NEMP2: variants seen among roughly 807,000 people sequenced by gnomAD.
The protein encoded by NEMP2 is nuclear envelope integral membrane protein 2.
In NEMP2, 53 loss-of-function variants were observed where a neutral mutation model predicts 54.2. That is an observed-to-expected ratio of 0.98 (90% CI 0.78 to 1.23). The LOEUF is 1.23. Ranked by LOEUF, NEMP2 falls within the 50% of genes most tolerant of loss-of-function variation. NEMP2 has a pLI of 0.00. For missense variants in NEMP2, 455 were observed against 511.3 expected (o/e 0.89, Z 1.06); for synonymous variants, 197 against 190.3 (o/e 1.04, Z -0.29).
At chr2:190,647,228 C>T in the NEMP2 span, among the ~76,000 whole-genome samples, 2 of 152,162 alleles carry the variant, frequency 1.3e-5, no homozygotes, top group African/African-American at 4.8e-5. Flanking sequence ...CAGACAAAAC[C>T]TGTCACTAAT....
the NEMP2 span, among the ~76,000 whole-genome samples, chr2:190,618,430 A>G: frequency 3.3e-5 from 5 of 152,144 alleles, no homozygotes; most frequent in African/African-American, 9.7e-5. Context: ...CCAAAACTTA[A>G]AAAAGGTAGA....
At position 190,510,308 on chromosome 2, in the gene NEMP2, T is replaced by G; in HGVS notation, c.1130+53A>C. The G allele has an allele frequency of 6.5e-7, 1 of 1,538,692 alleles. No homozygotes were observed. Among genetic ancestry groups the G allele is most frequent in the South Asian group, 1.2e-5 (1 of 83,680 alleles). On this transcript the variant is annotated intron_variant, in intron 8 of 8. Transcript: ENST00000409150. This position sits in a 1 kb window ranked among gnomAD's most constrained non-coding sequence, Gnocchi z 5.7. ...TGCCTGTACCAAACCATCATATTAT[T>G]TTTTAAATCATTCTGAACTAAACTA...
the NEMP2 span, among the ~76,000 whole-genome samples, chr2:190,492,041 G>A: frequency 3.3e-5 from 5 of 152,120 alleles, no homozygotes; most frequent in South Asian, 2.1e-4. This position sits in a 1 kb window ranked among gnomAD's most constrained non-coding sequence, Gnocchi z 5.2. Flanking sequence ...CAACAGAATC[G>A]AAGAAGCAGA....
the NEMP2 span, among the ~76,000 whole-genome samples, chr2:190,615,417 G>T: frequency 2.6e-5 from 4 of 152,348 alleles, no homozygotes; most frequent in South Asian, 8.3e-4. The surrounding 1 kb of genome is among the most constrained non-coding windows in gnomAD (Gnocchi z 4.7). Context: ...CAGATGAACA[G>T]CCAGATGGAA....
the NEMP2 span, among the ~76,000 whole-genome samples, chr2:190,613,333 TTTTATTAAAAACATTATA>T: frequency 6.6e-6 from 1 of 152,120 alleles, no homozygotes; most frequent in African/African-American, 2.4e-5. Context: ...AATATTAATG[TTTTATTAAAAACATTATA>T]TTTATTAAAA....
chr2:190,640,005 C>T, the NEMP2 span, among the ~76,000 whole-genome samples: 1 of 152,068 alleles, frequency 6.6e-6, no homozygotes, highest in African/African-American at 2.4e-5. Context: ...ATCTATAATA[C>T]CATCACCCAG....
chr2:190,425,635 A>G, the NEMP2 span, among the ~76,000 whole-genome samples: 1 of 152,282 alleles, frequency 6.6e-6, no homozygotes, highest in African/African-American at 2.4e-5. This position sits in a 1 kb window ranked among gnomAD's most constrained non-coding sequence, Gnocchi z 4.3. Context: ...TAGCTTATTA[A>G]CATGGTAGAT....
chr2:190,575,205 C>G, the NEMP2 span, among the ~76,000 whole-genome samples: 1 of 151,992 alleles, frequency 6.6e-6, no homozygotes, highest in Admixed American at 6.6e-5. Flanking sequence ...TCCCACCATC[C>G]CCAACAAGTG....
chr2:190,436,603 T>C, the NEMP2 span: 1 of 1,614,128 alleles, frequency 6.2e-7, no homozygotes, highest in Non-Finnish European at 8.5e-7. This position sits in a 1 kb window ranked among gnomAD's most constrained non-coding sequence, Gnocchi z 5.3. Context: ...CCTCACCATA[T>C]CACCAAAAAT....
At chr2:190,441,484 G>A in the NEMP2 span, among the ~76,000 whole-genome samples, 1 of 151,902 alleles carries the variant, frequency 6.6e-6, no homozygotes, top group Non-Finnish European at 1.5e-5. Context: ...GAGGAGGGGC[G>A]GGGGTTGGGG....
At chr2:190,648,781 C>G in the NEMP2 span, 11 of 150,720 alleles carry the variant, frequency 7.3e-5, no homozygotes, top group South Asian at 2.3e-3. Flanking sequence ...TCCCAGCTGC[C>G]GTGTGAATGG....
At chr2:190,572,481 C>A in the NEMP2 span, among the ~76,000 whole-genome samples, 1 of 152,014 alleles carries the variant, frequency 6.6e-6, no homozygotes, top group African/African-American at 2.4e-5. Flanking sequence ...TAACTAGATT[C>A]AAGGGAGGCT....
chr2:190,471,210 G>C, the NEMP2 span, among the ~76,000 whole-genome samples: 16 of 152,258 alleles, frequency 1.1e-4, no homozygotes, highest in East Asian at 2.3e-3. The surrounding 1 kb of genome is among the most constrained non-coding windows in gnomAD (Gnocchi z 4.7). Context: ...GAGGTACCGG[G>C]TTCATCTCAC....
At chr2:190,594,650 C>T in the NEMP2 span, among the ~76,000 whole-genome samples, 2 of 152,128 alleles carry the variant, frequency 1.3e-5, no homozygotes, top group Non-Finnish European at 2.9e-5. This position sits in a 1 kb window ranked among gnomAD's most constrained non-coding sequence, Gnocchi z 5.6. Flanking sequence ...ATCACAGCTC[C>T]TTGAACTCCT....
Position 190,519,017 on chromosome 2 carries a change from G to GT in NEMP2, c.379dup (p.Thr127AsnfsTer14). 1 of 1,551,328 alleles carries GT rather than the reference G, an allele frequency of 6.4e-7. No homozygotes were observed. Among genetic ancestry groups the GT allele is most frequent in the South Asian group, 1.2e-5 (1 of 84,030 alleles). ...GACAGGCTCCACAGAGAAGCACACA[G>GT]TCTCCCTGTATGGATTGATGATTAT... On this transcript the variant is annotated frameshift_variant, in exon 3 of 9. Coordinates refer to ENST00000409150, the MANE Select transcript of NEMP2 (RefSeq NM_001142645.2). LOFTEE classifies it high-confidence loss of function. This position sits in a 1 kb window ranked among gnomAD's most constrained non-coding sequence, Gnocchi z 5.4.
chr2:190,534,588 C>A lies in NEMP2; in HGVS notation c.68G>T (p.Arg23Leu). The A allele has an allele frequency of 1.4e-6, 2 of 1,397,266 alleles. No individual in the cohort carries two copies. Among genetic ancestry groups the A allele is most frequent in the Non-Finnish European group, 9.3e-7 (1 of 1,080,986 alleles). 86.6% of individuals were successfully genotyped at this position (1,397,266 alleles called of 1,614,324 possible). Residue 23 changes from arginine to leucine, a missense_variant, in exon 1 of 9, where the codon CGC (arginine) becomes CTC (leucine). Physicochemically the swap from Arg to Leu is moderately radical, Grantham distance 102 (BLOSUM62 -2). Around this residue, in one of 3 missense-constraint regions of NEMP2, gnomAD observed 100 missense variants for 80.2 expected, o/e 1.25. Transcript: ENST00000409150. ...WLPPLATLPV[R>L]GEAAAAALSV... ...TAACGCTGCCGCCGCCGCCTCCCCG[C>A]GCACGGGCAGTGTGGCCAGGGGCGG...
At chr2:190,616,821 TA>T in the NEMP2 span, 1 of 152,126 alleles carries the variant, frequency 6.6e-6, no homozygotes, top group Non-Finnish European at 1.5e-5. The surrounding 1 kb of genome is among the most constrained non-coding windows in gnomAD (Gnocchi z 5.1). Context: ...AAAAAAAGAA[TA>T]TTTAGGCCAG....
Position 190,525,164 on chromosome 2 carries a change from A to C in NEMP2, c.213+99T>G. ...TCATAGTGATACACAGATCTGTGTC[A>C]TACCAAAAATACTTTCTATTCCTGA... On this transcript the variant is annotated intron_variant, in intron 2 of 8. Coordinates refer to ENST00000409150, the MANE Select transcript of NEMP2 (RefSeq NM_001142645.2). The surrounding 1 kb of genome is among the most constrained non-coding windows in gnomAD (Gnocchi z 5.0). 1.5e-6 allele frequency: 1 copy of C among 674,338 alleles called. No homozygotes were observed. Among genetic ancestry groups the C allele is most frequent in the Non-Finnish European group, 2.6e-6 (1 of 390,584 alleles). 41.8% of individuals were successfully genotyped at this position (674,338 alleles called of 1,614,324 possible).
At chr2:190,632,578 G>C in the NEMP2 span, among the ~76,000 whole-genome samples, 2 of 152,236 alleles carry the variant, frequency 1.3e-5, no homozygotes, top group Non-Finnish European at 2.9e-5. This position sits in a 1 kb window ranked among gnomAD's most constrained non-coding sequence, Gnocchi z 4.8. Flanking sequence ...ATCTTGAAAA[G>C]AGCAGGGTAG....
Sources: allele counts gnomAD v4.1 joint callset (sites outside exome capture counted in the v4.1 genomes callset), GRCh38; gene constraint gnomAD v4.1.1; regional missense constraint gnomAD v4.1.1; non-coding constraint Gnocchi (gnomAD v3.1); transcripts MANE v1.5; gene names NCBI Gene and HGNC (gene_info 2026-07-23, HGNC 2026-07-21).